BRSK2: variants seen among roughly 807,000 people sequenced by gnomAD.
The protein encoded by BRSK2 is BR serine/threonine kinase 2.
Under a neutral mutation model 83.3 loss-of-function variants are expected in BRSK2, and 19 were observed. That is an observed-to-expected ratio of 0.23 (90% CI 0.16 to 0.33). The LOEUF (loss-of-function observed/expected upper bound fraction) is 0.33. BRSK2 is among the 10% of genes least tolerant of loss of function. The probability of loss-of-function intolerance (pLI) is 1.00; values close to 1 mark genes in which losing one functional copy is unlikely to be tolerated. For synonymous variants in BRSK2, 519 were observed against 435.4 expected, an observed-to-expected ratio of 1.19 and a Z score of -2.39; for missense variants, 798 against 1,042.3, an observed-to-expected ratio of 0.77 and a Z score of 3.23.
At chr11:1,452,106 C>T (rs756000269) in intron 15 of BRSK2, among the ~76,000 whole-genome samples, 5 of 152,204 alleles carry the variant, frequency 3.3e-5, no homozygotes, top group Admixed American at 6.5e-5. Flanking sequence ...CAGAGAGCGG[C>T]GGTCAGGCTG....
At chr11:1,447,482 C>T (rs1385622480) in intron 12 of BRSK2, among the ~76,000 whole-genome samples, 2 of 152,202 alleles carry the variant, frequency 1.3e-5, no homozygotes, top group African/African-American at 4.8e-5. Context: ...CCTGGCATGT[C>T]CCAGCCAGAT....
chr11:1,411,336 G>A, intron 1 of BRSK2: 1 of 1,392,230 alleles, frequency 7.2e-7, no homozygotes, highest in South Asian at 1.7e-5. Flanking sequence ...GGCCGGAGCA[G>A]GGGGCACAGT....
rs1467018157 is a variant in BRSK2, at chr11:1,457,824, TGCTGCGG to T, written c.1939+1142_1939+1148del. On this transcript the variant is annotated intron_variant, in intron 18 of 19. Transcript: ENST00000528841. ...AGCCCCCCCAGAGTGTGCTTCACCT[TGCTGCGG>T]GCTGGGGGCTGAGGTCCCCAACAGC... Among the ~76,000 whole-genome samples the T allele has an allele frequency of 2.8e-5, 4 of 143,618 alleles. No individual in the cohort carries two copies. The South Asian group carries it at 8.7e-4, about 31-fold the overall frequency. 94.2% of individuals were successfully genotyped at this position (143,618 alleles called of 152,430 possible). A position where few individuals can be genotyped will look rare whatever the true frequency, so the allele number is the denominator to read the frequency against.
At chr11:1,407,070 G>A (rs969656273) in intron 1 of BRSK2, among the ~76,000 whole-genome samples, 1 of 152,156 alleles carries the variant, frequency 6.6e-6, no homozygotes, top group African/African-American at 2.4e-5. Flanking sequence ...GGGTCCCAAC[G>A]TCACCACAGC....
chr11:1,459,098 A>AC (rs1847048958), intron 18 of BRSK2, 94 bp from the exon 19 acceptor site: 1 of 914,660 alleles, frequency 1.1e-6, no homozygotes, highest in South Asian at 2.6e-5. Flanking sequence ...TCCTGGCTCC[A>AC]CCCCCTCCCC....
In BRSK2 at chr11:1,461,199, G is replaced by A. The variant is rs999498903; in HGVS notation, c.*476G>A. ...TCCAGCCCGGCCGACCCGGACTCCC[G>A]GTCACCTGACCCCTCAGCAAGAACA... On this transcript the variant is annotated 3_prime_UTR_variant, in exon 20 of 20. Coordinates refer to ENST00000528841, the MANE Select transcript of BRSK2 (RefSeq NM_001256627.2). The A allele has an allele frequency of 2.4e-5, 17 of 718,218 alleles. No individual in the cohort carries two copies. The highest frequency in any genetic ancestry group is 3.7e-5 in the African/African-American group (2 of 53,960). 44.5% of individuals were successfully genotyped at this position (718,218 alleles called of 1,614,324 possible).
chr11:1,398,646 T>C (rs1236933971), intron 1 of BRSK2, among the ~76,000 whole-genome samples: 1 of 152,046 alleles, frequency 6.6e-6, no homozygotes, highest in Non-Finnish European at 1.5e-5. Flanking sequence ...GGGCCAGAGG[T>C]TCCCCTCCCA....
Position 1,443,355 on chromosome 11 carries a change from G to A in BRSK2, c.585G>A (p.Arg195=). Residue 195 remains arginine (R), a synonymous_variant, in exon 7 of 20, where the codon CGG becomes CGA. Coordinates refer to ENST00000528841, the MANE Select transcript of BRSK2 (RefSeq NM_001256627.2). The stretch of plus-strand genomic sequence containing the variant: ...CACAGGGGGAGAAGTATGACGGCCG[G>A]AAGGCGGACGTGTGGAGCTGCGGCG... ...EVIRGEKYDG[R]KADVWSCGVI... The A allele has an allele frequency of 6.2e-7, 1 of 1,608,676 alleles. No homozygotes were observed. The highest frequency in any genetic ancestry group is 1.3e-5 in the African/African-American group (1 of 74,972).
intron 16 of BRSK2, among the ~76,000 whole-genome samples, chr11:1,455,994 G>C (rs1846478978): frequency 6.6e-6 from 1 of 151,964 alleles, no homozygotes; most frequent in Non-Finnish European, 1.5e-5. Context: ...CTCCCACTCA[G>C]CTCCACCCTG....
chr11:1,410,793 G>T, intron 1 of BRSK2: 1 of 985,308 alleles, frequency 1.0e-6, no homozygotes, highest in Non-Finnish European at 1.2e-6. Context: ...GCCACAGGTG[G>T]CCCCCCCGCC....
chr11:1,401,693 G>A (rs1451944771), intron 1 of BRSK2, among the ~76,000 whole-genome samples: 1 of 152,250 alleles, frequency 6.6e-6, no homozygotes, highest in Non-Finnish European at 1.5e-5. Flanking sequence ...AGAGCGGACT[G>A]TGGGGACACA....
chr11:1,448,679 G>T (rs1852546880), intron 12 of BRSK2, among the ~76,000 whole-genome samples: 1 of 152,238 alleles, frequency 6.6e-6, no homozygotes, highest in African/African-American at 2.4e-5. Context: ...TCCCAGCTCA[G>T]CCCTGAAAGC....
At chr11:1,402,448 C>T (rs997932160) in intron 1 of BRSK2, among the ~76,000 whole-genome samples, 2 of 152,224 alleles carry the variant, frequency 1.3e-5, no homozygotes, top group African/African-American at 2.4e-5. Flanking sequence ...TCCACCTGAA[C>T]CTTGTCCGTG....
At position 1,423,178 on chromosome 11, in the gene BRSK2, T is replaced by C. The variant is rs1386303264; in HGVS notation, c.92-12862T>C. Among the ~76,000 whole-genome samples, 5 of 151,914 alleles carry C rather than the reference T, an allele frequency of 3.3e-5. No homozygotes were observed. Among genetic ancestry groups the C allele is most frequent in the Admixed American group, 6.6e-5 (1 of 15,266 alleles). ...CCCCAGAGCGGTGCCTCGTGGGGGA[T>C]GCGGTGCCTCGTGGGGGACATGGTG... is the stretch of plus-strand genomic sequence containing the variant. On this transcript the variant is annotated intron_variant, in intron 1 of 19. Transcript: ENST00000528841. This position sits in a 1 kb window ranked among gnomAD's most constrained non-coding sequence, Gnocchi z 6.5.
chr11:1,429,390 C>T (rs1030023975), intron 1 of BRSK2, among the ~76,000 whole-genome samples: 1 of 141,900 alleles, frequency 7.0e-6, no homozygotes, highest in Non-Finnish European at 1.5e-5. Context: ...TGTGTGTGCA[C>T]TGAGTGTAGG....
intron 1 of BRSK2, among the ~76,000 whole-genome samples, chr11:1,414,138 A>T (rs1055797449): frequency 2.6e-5 from 4 of 152,216 alleles, no homozygotes; most frequent in Non-Finnish European, 4.4e-5. Flanking sequence ...AGATACTCAA[A>T]TTTTTCTGTA....
intron 18 of BRSK2, 75 bp downstream of exon 18, chr11:1,456,762 G>C (rs1032193343): frequency 6.8e-7 from 1 of 1,471,992 alleles, no homozygotes; most frequent in East Asian, 2.5e-5. Context: ...GCGGACGGGA[G>C]GCGTGAGGAC....
Position 1,445,276 on chromosome 11 carries a change from C to T in BRSK2, c.813-18C>T. The T allele has an allele frequency of 6.3e-7, 1 of 1,595,930 alleles. No homozygotes were observed. The highest frequency in any genetic ancestry group is 1.7e-5 in the Admixed American group (1 of 58,072). ...CCGGCCGGAGCTGATGAGCGGGTGG[C>T]CCGTCCTGTGTCCACAGAGGGGGCA... is the stretch of plus-strand genomic sequence containing the variant. On this transcript the variant is annotated intron_variant, in intron 9 of 19. Transcript: ENST00000528841.
chr11:1,439,250 C>T (rs1490428036), intron 3 of BRSK2, among the ~76,000 whole-genome samples: 1 of 152,042 alleles, frequency 6.6e-6, no homozygotes, highest in Non-Finnish European at 1.5e-5. Context: ...CCCCCAGCAG[C>T]AACGTCCACG....
Sources: allele counts gnomAD v4.1 joint callset (sites outside exome capture counted in the v4.1 genomes callset), GRCh38; gene constraint gnomAD v4.1.1; non-coding constraint Gnocchi (gnomAD v3.1); transcripts MANE v1.5; gene names NCBI Gene and HGNC (gene_info 2026-07-23, HGNC 2026-07-21).